Variants in GAB1 observed in about 807,000 individuals in gnomAD.
GAB1 encodes the protein GRB2-associated-binding protein 1.
Under a neutral mutation model 66.5 loss-of-function variants are expected in GAB1, and 19 were observed. The observed-to-expected ratio is 0.29, with a 90% CI of 0.20 to 0.42. GAB1 has a LOEUF of 0.42. Ranked by LOEUF, GAB1 falls within the 10% of genes least tolerant of loss-of-function variation. The pLI is 1.00. For synonymous variants in GAB1, 294 were observed against 301.4 expected (o/e 0.98, Z 0.25); for missense variants, 732 against 858.5 (o/e 0.85, Z 1.84).
intron 1 of GAB1, among the ~76,000 whole-genome samples, chr4:143,401,447 A>G (rs958388563): frequency 2.0e-5 from 3 of 152,218 alleles, no homozygotes; most frequent in African/African-American, 7.2e-5. Context: ...GCAAGGCCTA[A>G]CAGAACATTC....
intron 1 of GAB1, among the ~76,000 whole-genome samples, chr4:143,375,490 G>C (rs1730375432): frequency 6.6e-6 from 1 of 152,166 alleles, no homozygotes; most frequent in African/African-American, 2.4e-5. Flanking sequence ...CTGGAAGTCA[G>C]GGATCATTGC....
intron 1 of GAB1, among the ~76,000 whole-genome samples, chr4:143,338,712 G>GGTGTGTGTTTGT (rs1553942246): frequency 3.4e-4 from 51 of 149,288 alleles, no homozygotes; most frequent in African/African-American, 7.9e-4. Context: ...GAAAGGTAGG[G>GGTGTGTGTTTGT]GTGTGTGTGT....
chr4:143,368,521 T>A (rs1234265256), intron 1 of GAB1, among the ~76,000 whole-genome samples: 1 of 152,198 alleles, frequency 6.6e-6, no homozygotes, highest in Non-Finnish European at 1.5e-5. Context: ...CAAATATGCC[T>A]AATTTTTATA....
intron 2 of GAB1, chr4:143,417,397 TTTA>T (rs993750837): frequency 6.4e-5 from 27 of 420,134 alleles, no homozygotes; most frequent in South Asian, 1.1e-4. Context: ...CGGGTACTTT[TTTA>T]TTATTATTAT....
intron 1 of GAB1, among the ~76,000 whole-genome samples, chr4:143,361,939 T>G (rs1729679888): frequency 6.6e-6 from 1 of 152,006 alleles, no homozygotes; most frequent in Admixed American, 6.6e-5. Flanking sequence ...TTTGTTTTTT[T>G]TAAGAAACAT....
chr4:143,468,082 A>G (rs1034107284), intron 9 of GAB1, among the ~76,000 whole-genome samples: 2 of 152,162 alleles, frequency 1.3e-5, no homozygotes, highest in African/African-American at 2.4e-5. Context: ...TCATGTTCTC[A>G]GAGGTTGAGA....
At chr4:143,364,541 G>A (rs1302220787) in intron 1 of GAB1, among the ~76,000 whole-genome samples, 1 of 152,122 alleles carries the variant, frequency 6.6e-6, no homozygotes, top group African/African-American at 2.4e-5. Flanking sequence ...CTGGATATGT[G>A]TTGGAGCAGA....
chr4:143,398,322 A>T (rs1731564002), intron 1 of GAB1, among the ~76,000 whole-genome samples: 1 of 152,238 alleles, frequency 6.6e-6, no homozygotes, highest in African/African-American at 2.4e-5. Flanking sequence ...ATTTCAGAAT[A>T]TTTTTTGTAT....
intron 1 of GAB1, among the ~76,000 whole-genome samples, chr4:143,366,085 A>G (rs529934970): frequency 1.1e-4 from 16 of 152,368 alleles, no homozygotes; most frequent in Admixed American, 3.9e-4. Flanking sequence ...CGTGAATAAA[A>G]TAGGGACCCT....
intron 1 of GAB1, among the ~76,000 whole-genome samples, chr4:143,377,945 G>T (rs1394740701): frequency 6.6e-6 from 1 of 152,164 alleles, no homozygotes; most frequent in African/African-American, 2.4e-5. Flanking sequence ...GTTGAATGTA[G>T]CTTGGAACAG....
At chr4:143,345,860 G>T (rs1728968703) in intron 1 of GAB1, among the ~76,000 whole-genome samples, 1 of 152,188 alleles carries the variant, frequency 6.6e-6, no homozygotes, top group African/African-American at 2.4e-5. Flanking sequence ...CTGGACATAA[G>T]CATTGGAAGA....
chr4:143,394,549 T>G (rs1731346619), intron 1 of GAB1, among the ~76,000 whole-genome samples: 1 of 152,172 alleles, frequency 6.6e-6, no homozygotes. Context: ...ACTGATCACA[T>G]GTATACAAAA....
chr4:143,371,742 G>A (rs1730130758), intron 1 of GAB1, among the ~76,000 whole-genome samples: 1 of 152,076 alleles, frequency 6.6e-6, no homozygotes, highest in African/African-American at 2.4e-5. Flanking sequence ...TGTGAGGAAG[G>A]GATCCAGTTT....
chr4:143,424,727 C>G (rs1490431812), intron 2 of GAB1: 2 of 185,262 alleles, frequency 1.1e-5, no homozygotes, highest in Non-Finnish European at 2.3e-5. Flanking sequence ...GAGGCCGAGG[C>G]AGATGGATCA....
chr4:143,432,220 C>T (rs981290062), intron 2 of GAB1, among the ~76,000 whole-genome samples: 7 of 152,140 alleles, frequency 4.6e-5, no homozygotes, highest in Non-Finnish European at 8.8e-5. Flanking sequence ...CTGGGAGTGA[C>T]GGGAGTTGTG....
chr4:143,360,665 A>C (rs1729627641), intron 1 of GAB1, among the ~76,000 whole-genome samples: 1 of 152,196 alleles, frequency 6.6e-6, no homozygotes, highest in Admixed American at 6.5e-5. Flanking sequence ...TTTTCTCAGA[A>C]TCCTGATGCT....
At chr4:143,361,769 T>C (rs1729670543) in intron 1 of GAB1, among the ~76,000 whole-genome samples, 1 of 152,274 alleles carries the variant, frequency 6.6e-6, no homozygotes, top group East Asian at 1.9e-4. Flanking sequence ...GTACGGTTCT[T>C]ACTATTTGTA....
chr4:143,438,320 T>C lies in GAB1; in HGVS notation c.915T>C (p.Ile305=). ...AGACTCAAATGAGGCATGTATCTATTAGTTATGACATTCCTCCAACACCTG... is the reference window on the plus strand; with the variant it reads ...AGACTCAAATGAGGCATGTATCTATCAGTTATGACATTCCTCCAACACCTG... ...SVETQMRHVS[I]SYDIPPTPGN... The change falls in exon 4 of 10, where the codon ATT becomes ATC. Residue 305 remains isoleucine, a synonymous_variant. Coordinates refer to ENST00000262994, the MANE Select transcript of GAB1 (RefSeq NM_002039.4). 1.2e-6 allele frequency: 2 copies of C among 1,614,070 alleles called. No individual in the cohort carries two copies. The highest frequency in any genetic ancestry group is 8.5e-7 in the Non-Finnish European group (1 of 1,179,948).
chr4:143,407,802 G>A (rs1033879181), intron 1 of GAB1, among the ~76,000 whole-genome samples: 1 of 151,988 alleles, frequency 6.6e-6, no homozygotes, highest in African/African-American at 2.4e-5. Context: ...AAAGCAAATG[G>A]TTTTCCTTTG....
Sources: gnomAD v4.1 joint callset for allele counts (sites outside exome capture counted in the v4.1 genomes callset) on GRCh38, gnomAD v4.1.1 for gene constraint, MANE v1.5 for transcripts, NCBI Gene and HGNC (gene_info 2026-07-23, HGNC 2026-07-21) for gene names.